ZNF692: variants seen among roughly 807,000 people sequenced by gnomAD.
ZNF692 encodes AICAR responsive element binding protein.
Under a neutral mutation model 49.0 loss-of-function variants are expected in ZNF692, and 41 were observed. The observed-to-expected ratio is 0.84, with a 90% CI of 0.65 to 1.08. The LOEUF is 1.08. Ranked by LOEUF, ZNF692 falls within the 50% of genes least tolerant of loss-of-function variation. The probability of loss-of-function intolerance (pLI) is 0.00; values close to 1 mark genes in which losing one functional copy is unlikely to be tolerated. For synonymous variants in ZNF692, 288 were observed against 251.5 expected (o/e 1.15, Z -1.37); for missense variants, 662 against 662.2 (o/e 1.00, Z 0.00).
intron 11 of ZNF692, 29 bp downstream of exon 11, chr1:248,850,652 CT>C (rs1558245455): frequency 1.2e-6 from 2 of 1,613,112 alleles, no homozygotes; most frequent in Non-Finnish European, 1.7e-6. Context: ...CTTCTAGCCC[CT>C]GGCCCTCAGA....
In ZNF692 at chr1:248,855,778, C is replaced by T; in HGVS notation, c.828G>A (p.Gln276=). 6.2e-7 allele frequency: 1 copy of T among 1,614,212 alleles called. No homozygotes were observed. Among genetic ancestry groups the T allele is most frequent in the Non-Finnish European group, 8.5e-7 (1 of 1,180,044 alleles). The change falls in exon 7 of 12, where the codon CAG becomes CAA. Residue 276 remains glutamine (Q), a synonymous_variant. Transcript: ENST00000306601. ...CTTGAGGGGTCCTGCTGAGCTGTGG[C>T]TGCACCCTGACTTCTGCAGGTGGAG... ...RAPPPAEVRV[Q]PQLSRTPQAA...
chr1:248,855,817 C>T lies in ZNF692; in HGVS notation c.789G>A (p.Leu263=). ...LAVPALSASS[L]SSRAPPPAEV... The stretch of plus-strand genomic sequence containing the variant: ...CTGCAGGTGGAGGAGCTCTGGAACT[C>T]AATGAGGATGCTGACAAGGCCGGCA... The change falls in exon 7 of 12, where the codon TTG becomes TTA. Residue 263 remains leucine (L), a synonymous_variant. Transcript: ENST00000306601. 2 of 1,614,216 alleles carry T rather than the reference C, an allele frequency of 1.2e-6. No homozygotes were observed. Among genetic ancestry groups the T allele is most frequent in the Non-Finnish European group, 1.7e-6 (2 of 1,180,050 alleles).
Position 248,857,285 on chromosome 1 carries a change from T to C in ZNF692, c.424A>G (p.Thr142Ala). The C allele has an allele frequency of 6.2e-7, 1 of 1,614,118 alleles. No homozygotes were observed. The highest frequency in any genetic ancestry group is 8.5e-7 in the Non-Finnish European group (1 of 1,180,006). ...EAPKPASLPHTTRRSWCSEAT... is the reference protein window; with the variant it reads ...EAPKPASLPHATRRSWCSEAT... ...TCGGAACACCAACTTCTCCGAGTAG[T>C]ATGTGGAAGGGAGGCTGGCTTGGGT... Residue 142 changes from threonine to alanine, a missense_variant, in exon 4 of 12, where the codon ACT becomes GCT. Transcript: ENST00000306601.
In ZNF692 at chr1:248,858,376, C is replaced by A; in HGVS notation, c.-12-55G>T. ...CCTGCCGATCTCGGGGGTCGGGGAC[C>A]CGGCTCCACCTGCCGTTAGGGCCTC... On this transcript the variant is annotated intron_variant, in intron 1 of 11. Transcript: ENST00000306601. This position sits in a 1 kb window ranked among gnomAD's most constrained non-coding sequence, Gnocchi z 4.3. 6.6e-7 allele frequency: 1 copy of A among 1,523,468 alleles called. No individual in the cohort carries two copies. Among genetic ancestry groups the A allele is most frequent in the Non-Finnish European group, 8.9e-7 (1 of 1,128,948 alleles). The allele number at this position is 1,523,468 out of a possible 1,614,324, so 94.4% of individuals were successfully genotyped here. A position where few individuals can be genotyped will look rare whatever the true frequency, so the allele number is the denominator to read the frequency against.
intron 10 of ZNF692, among the ~76,000 whole-genome samples, chr1:248,852,460 G>C (rs1320724342): frequency 6.6e-6 from 1 of 152,030 alleles, no homozygotes; most frequent in African/African-American, 2.4e-5. Flanking sequence ...CCCCACTCTA[G>C]CATCAGCAGC....
At chr1:248,854,112 G>T in intron 9 of ZNF692, 61 bp from the exon 10 acceptor site, 1 of 1,277,794 alleles carries the variant, frequency 7.8e-7, no homozygotes, top group Non-Finnish European at 1.1e-6. Context: ...CTTCCACGGA[G>T]AGATGAACTG....
intron 4 of ZNF692, 101 bp from the exon 5 acceptor site, chr1:248,856,663 T>A: frequency 6.9e-7 from 1 of 1,444,060 alleles, no homozygotes. Flanking sequence ...CCTCTTTTTT[T>A]TTTAAATAGA....
intron 10 of ZNF692, among the ~76,000 whole-genome samples, chr1:248,851,579 T>A (rs1016191443): frequency 6.7e-6 from 1 of 148,560 alleles, no homozygotes; most frequent in Non-Finnish European, 1.5e-5. Context: ...CCTCCTCCTT[T>A]GGCCCCATCA....
intron 2 of ZNF692, 58 bp from the exon 3 acceptor site, chr1:248,857,917 G>C: frequency 1.2e-6 from 2 of 1,603,062 alleles, no homozygotes; most frequent in Non-Finnish European, 1.7e-6. Context: ...CTCAGCCCTG[G>C]GCACTCACAC....
At chr1:248,850,912 T>A (rs1242300422) in intron 10 of ZNF692, 131 bp from the exon 11 acceptor site, 3 of 827,698 alleles carry the variant, frequency 3.6e-6, no homozygotes, top group Non-Finnish European at 6.1e-6. Flanking sequence ...AATTAGTTGT[T>A]ATCCAAATCA....
At chr1:248,850,911 T>C (rs757699092) in intron 10 of ZNF692, 130 bp from the exon 11 acceptor site, 62 of 835,692 alleles carry the variant, frequency 7.4e-5, no homozygotes, top group Non-Finnish European at 1.2e-4. Flanking sequence ...TAATTAGTTG[T>C]TATCCAAATC....
chr1:248,856,953 C>G (rs1305196859), intron 4 of ZNF692, among the ~76,000 whole-genome samples: 2 of 152,166 alleles, frequency 1.3e-5, no homozygotes, highest in African/African-American at 4.8e-5. Context: ...ACCTGGTTTT[C>G]TATGTGCCTT....
intron 3 of ZNF692, 78 bp from the exon 4 acceptor site, chr1:248,857,575 C>A: frequency 6.5e-7 from 1 of 1,534,434 alleles, no homozygotes; most frequent in Admixed American, 2.1e-5. Flanking sequence ...CCCAGGGAGC[C>A]CTGTTCCCTC....
rs755028449 is a variant in ZNF692, at chr1:248,855,744, G to C, written c.862C>G (p.Gln288Glu). The change falls in exon 7 of 12, where the codon CAG (glutamine) becomes GAG (glutamate). Residue 288 changes from glutamine to glutamate, a missense_variant. Coordinates refer to ENST00000306601, the MANE Select transcript of ZNF692 (RefSeq NM_017865.4). Reference protein sequence around the residue: ...QLSRTPQAAQQTEALASTGSQ... With the variant: ...QLSRTPQAAQETEALASTGSQ... ...GGTTACCTGGCCAGGGCCTCAGTCT[G>C]CTGGGCCGCTTGAGGGGTCCTGCTG... is the stretch of plus-strand genomic sequence containing the variant. 18 of 1,614,120 alleles carry C rather than the reference G, an allele frequency of 1.1e-5. No homozygotes were observed. In the Middle Eastern group the frequency reaches 8.2e-4, roughly 74 times the overall value.
At position 248,858,143 on chromosome 1, in the gene ZNF692, A is replaced by G. The variant is rs1396327688; in HGVS notation, c.167T>C (p.Phe56Ser). ...CCCGGCCCCTAACCGGTCCAACAGGAACTTGGCGAGCTGCGAGTGCAGGGA... is the reference window on the plus strand; with the variant it reads ...CCCGGCCCCTAACCGGTCCAACAGGGACTTGGCGAGCTGCGAGTGCAGGGA... The part of the protein sequence containing the change: ...GFSLHSQLAK[F>S]LLDRYTSSGC... Residue 56 changes from phenylalanine to serine, a missense_variant, in exon 2 of 12, where the codon TTC becomes TCC. Phe to Ser is a radical substitution (Grantham distance 155). Coordinates refer to ENST00000306601, the MANE Select transcript of ZNF692 (RefSeq NM_017865.4). The surrounding 1 kb of genome is among the most constrained non-coding windows in gnomAD (Gnocchi z 4.3). The G allele has an allele frequency of 5.7e-6, 9 of 1,567,666 alleles. No homozygotes were observed. The highest frequency in any genetic ancestry group is 7.8e-6 in the Non-Finnish European group (9 of 1,159,090).
In ZNF692 at chr1:248,858,133, G is replaced by A; in HGVS notation, c.177C>T (p.Asp59=). The change falls in exon 2 of 12, where the codon GAC becomes GAT. Residue 59 remains aspartate (D), a splice_region_variant and synonymous_variant. Coordinates refer to ENST00000306601, the MANE Select transcript of ZNF692 (RefSeq NM_017865.4). This position sits in a 1 kb window ranked among gnomAD's most constrained non-coding sequence, Gnocchi z 4.3. ...AAGCCCTTCTCCCGGCCCCTAACCGGTCCAACAGGAACTTGGCGAGCTGCG... is the reference window on the plus strand; with the variant it reads ...AAGCCCTTCTCCCGGCCCCTAACCGATCCAACAGGAACTTGGCGAGCTGCG... The part of the protein sequence containing the change: ...LHSQLAKFLL[D]RYTSSGCVLC... The A allele has an allele frequency of 1.3e-6, 2 of 1,566,060 alleles. No homozygotes were observed. Among genetic ancestry groups the A allele is most frequent in the East Asian group, 4.5e-5 (2 of 44,242 alleles).
At chr1:248,853,386 C>T (rs1002192623) in intron 10 of ZNF692, among the ~76,000 whole-genome samples, 3 of 152,234 alleles carry the variant, frequency 2.0e-5, no homozygotes, top group Non-Finnish European at 2.9e-5. Flanking sequence ...TCACTTAAAG[C>T]AGATGTCAAA....
Position 248,850,357 on chromosome 1 carries a change from G to A in ZNF692, c.1413C>T (p.His471=). The A allele has an allele frequency of 6.2e-7, 1 of 1,614,116 alleles. No homozygotes were observed. Among genetic ancestry groups the A allele is most frequent in the Non-Finnish European group, 8.5e-7 (1 of 1,180,022 alleles). The change falls in exon 12 of 12, where the codon CAC becomes CAT. Residue 471 remains histidine (H), a synonymous_variant. Transcript: ENST00000306601. Reference sequence around the variant, plus strand: ...CTTGAGGGGCTAGAAGCAGGGCTGGGTGACTTTTGCTACGGTGGGCTGCAA... The same window carrying A: ...CTTGAGGGGCTAGAAGCAGGGCTGGATGACTTTTGCTACGGTGGGCTGCAA... ...DSVAAHRSKS[H]PALLLAPQES...
rs1370555102 is a variant in ZNF692, at chr1:248,854,217, G to A, written c.1039-166C>T. ...GGCCTGCTCGTTTCCTTGAGGCTCA[G>A]TCCTCACCTACACCATGAGTACCAC... On this transcript the variant is annotated intron_variant, in intron 9 of 11. Transcript: ENST00000306601. 5 of 599,044 alleles carry A rather than the reference G, an allele frequency of 8.3e-6. No individual in the cohort carries two copies. In the East Asian group the frequency reaches 1.1e-4, roughly 14 times the overall value. The allele number at this position is 599,044 out of a possible 1,614,324, so 37.1% of individuals were successfully genotyped here.
Sources: allele counts gnomAD v4.1 joint callset (sites outside exome capture counted in the v4.1 genomes callset), GRCh38; gene constraint gnomAD v4.1.1; non-coding constraint Gnocchi (gnomAD v3.1); transcripts MANE v1.5; gene names NCBI Gene and HGNC (gene_info 2026-07-23, HGNC 2026-07-21).